Variants in SOS2 observed in about 807,000 individuals in gnomAD.
SOS2 encodes the protein SOS Ras/Rho guanine nucleotide exchange factor 2.
Under a neutral mutation model 148.2 loss-of-function variants are expected in SOS2, and 65 were observed. That is an observed-to-expected ratio of 0.44 (90% CI 0.36 to 0.54). The LOEUF is 0.54. Ranked by LOEUF, SOS2 falls within the 20% of genes least tolerant of loss-of-function variation. The pLI is 0.00. For missense variants in SOS2, 1,341 were observed against 1,590.2 expected, an observed-to-expected ratio of 0.84 and a Z score of 2.67; for synonymous variants, 539 against 537.1, an observed-to-expected ratio of 1.00 and a Z score of -0.05.
intron 8 of SOS2, among the ~76,000 whole-genome samples, chr14:50,171,493 G>A (rs1885360969): frequency 6.6e-6 from 1 of 151,886 alleles, no homozygotes; most frequent in Non-Finnish European, 1.5e-5. Flanking sequence ...AGTCCATCCT[G>A]GCCAACATGG....
At chr14:50,165,404 C>T (rs189455975) in intron 8 of SOS2, among the ~76,000 whole-genome samples, 4 of 152,138 alleles carry the variant, frequency 2.6e-5, no homozygotes, top group Admixed American at 2.0e-4. Context: ...AATAAGGACA[C>T]ACACACCCGC....
intron 8 of SOS2, among the ~76,000 whole-genome samples, chr14:50,162,426 C>T (rs1161913213): frequency 6.6e-6 from 1 of 152,152 alleles, no homozygotes; most frequent in Non-Finnish European, 1.5e-5. Flanking sequence ...AGCCACTGTG[C>T]CAGGCCACAT....
chr14:50,139,192 T>A (rs1170721093), intron 17 of SOS2, among the ~76,000 whole-genome samples: 1 of 152,230 alleles, frequency 6.6e-6, no homozygotes, highest in Non-Finnish European at 1.5e-5. Flanking sequence ...CAATTTTGGT[T>A]AATAAGTCTA....
chr14:50,203,628 AT>A (rs1172712876), intron 2 of SOS2, among the ~76,000 whole-genome samples: 6 of 151,820 alleles, frequency 4.0e-5, no homozygotes, highest in Non-Finnish European at 8.8e-5. Context: ...ATACATATAC[AT>A]TTTTTTAAAT....
chr14:50,127,923 T>C (rs1003270049), intron 21 of SOS2, among the ~76,000 whole-genome samples: 3 of 152,152 alleles, frequency 2.0e-5, no homozygotes, highest in Admixed American at 6.6e-5. Flanking sequence ...AAATTCTGAG[T>C]CAAATTATTT....
At position 50,153,662 on chromosome 14, in the gene SOS2, G is replaced by A. The variant is rs952275475; in HGVS notation, c.2058-489C>T. Among the ~76,000 whole-genome samples, 3 of 152,218 alleles carry A rather than the reference G, an allele frequency of 2.0e-5. No homozygotes were observed. The East Asian group carries it at 5.8e-4, about 29-fold the overall frequency. On this transcript the variant is annotated intron_variant, in intron 12 of 22. Transcript: ENST00000216373. ...AATTTTGCTCTTGTTGCCCAGGCTG[G>A]AGTGCAATGGTGCGATCTCAGCTCA... is the stretch of plus-strand genomic sequence containing the variant.
In SOS2 at chr14:50,201,072, TCTGAACTCGCTC is replaced by T; in HGVS notation, c.214_225del (p.Glu72_Gln75del). On this transcript the variant is annotated inframe_deletion and splice_region_variant, in exon 3 of 23. Coordinates refer to ENST00000216373, the MANE Select transcript of SOS2 (RefSeq NM_006939.4). ...TTATCAATTGGGTGAGGAAAGGTCTTCTGAACTCGCTCCTGCTCAATCACAGCAGAACCATTG... is the reference window on the plus strand; with the variant it reads ...TTATCAATTGGGTGAGGAAAGGTCTTCTGCTCAATCACAGCAGAACCATTG... 6.2e-7 allele frequency: 1 copy of T among 1,613,882 alleles called. No individual in the cohort carries two copies. The highest frequency in any genetic ancestry group is 8.5e-7 in the Non-Finnish European group (1 of 1,179,872).
At position 50,210,100 on chromosome 14, in the gene SOS2, A is replaced by T. The variant is rs970934010; in HGVS notation, c.88-5691T>A. On this transcript the variant is annotated intron_variant, in intron 1 of 22. Coordinates refer to ENST00000216373, the MANE Select transcript of SOS2 (RefSeq NM_006939.4). The stretch of plus-strand genomic sequence containing the variant: ...TTAAAATTACTAACAACAAAGTCAT[A>T]TGTCTGTAAGGAAGTACAAGGATTT... Among the ~76,000 whole-genome samples, 4 of 151,942 alleles carry T rather than the reference A, an allele frequency of 2.6e-5. No individual in the cohort carries two copies. The East Asian group carries it at 7.7e-4, about 29-fold the overall frequency.
chr14:50,186,014 A>G lies in SOS2; in HGVS notation c.714+2483T>C, dbSNP rs115006910. On this transcript the variant is annotated intron_variant, in intron 5 of 22. Coordinates refer to ENST00000216373, the MANE Select transcript of SOS2 (RefSeq NM_006939.4). ...GGTTAAATTAGATGATTTCTGTAAA[A>G]TGCTCCTGGCACATATTAGGCCTTC... 5.8e-3 allele frequency among the ~76,000 whole-genome samples: 879 copies of G among 152,272 alleles called. 11 individuals carry two copies. The highest frequency in any genetic ancestry group is 0.019 in the African/African-American group (788 of 41,548).
intron 8 of SOS2, among the ~76,000 whole-genome samples, chr14:50,171,182 T>C (rs1220310431): frequency 6.6e-6 from 1 of 151,674 alleles, no homozygotes; most frequent in Non-Finnish European, 1.5e-5. Flanking sequence ...ATCAGAACCC[T>C]GTGCACTGTT....
chr14:50,221,753 G>A lies in SOS2; in HGVS notation c.87+9444C>T, dbSNP rs553648300. ...CTCAGGAGGCTGAAATGGGAGGATC[G>A]CTTGAGCCTGGGAGGTTGAAGCTGC... On this transcript the variant is annotated intron_variant, in intron 1 of 22. Coordinates refer to ENST00000216373, the MANE Select transcript of SOS2 (RefSeq NM_006939.4). Among the ~76,000 whole-genome samples, 7 of 152,184 alleles carry A rather than the reference G, an allele frequency of 4.6e-5. No homozygotes were observed. In the East Asian group the frequency reaches 9.7e-4, roughly 21 times the overall value.
intron 4 of SOS2, among the ~76,000 whole-genome samples, chr14:50,196,936 C>A (rs1029550690): frequency 6.6e-6 from 1 of 152,088 alleles, no homozygotes; most frequent in African/African-American, 2.4e-5. Flanking sequence ...GGCGTGATCT[C>A]GATTCCATGT....
intron 1 of SOS2, among the ~76,000 whole-genome samples, chr14:50,207,787 T>G (rs1389744261): frequency 6.6e-6 from 1 of 150,852 alleles, no homozygotes; most frequent in Non-Finnish European, 1.5e-5. Context: ...AGGCTTGTAA[T>G]CTTAGCTACT....
chr14:50,158,061 T>C (rs958247585), intron 11 of SOS2, among the ~76,000 whole-genome samples: 3 of 152,114 alleles, frequency 2.0e-5, no homozygotes, highest in Non-Finnish European at 2.9e-5. Context: ...TGGGGTGGGG[T>C]GTTTAAATTT....
intron 21 of SOS2, among the ~76,000 whole-genome samples, chr14:50,129,107 C>T (rs1220291284): frequency 6.6e-6 from 1 of 151,686 alleles, no homozygotes; most frequent in South Asian, 2.1e-4. Context: ...AAACAAATGA[C>T]CACAGAAAGA....
chr14:50,138,049 C>A (rs1213030234), intron 18 of SOS2, among the ~76,000 whole-genome samples: 2 of 151,872 alleles, frequency 1.3e-5, no homozygotes, highest in African/African-American at 4.8e-5. Flanking sequence ...CCATGTTGGT[C>A]AGGCTGGTCT....
At chr14:50,119,129 G>C (rs1449317529) in intron 22 of SOS2, among the ~76,000 whole-genome samples, 1 of 152,080 alleles carries the variant, frequency 6.6e-6, no homozygotes, top group Non-Finnish European at 1.5e-5. Flanking sequence ...TATAATAGTA[G>C]GTAAGTGACA....
At chr14:50,156,196 T>C (rs1029217905) in intron 12 of SOS2, 1 of 152,010 alleles carries the variant, frequency 6.6e-6, no homozygotes, top group African/African-American at 2.4e-5. Flanking sequence ...ATACTTTGGT[T>C]ACTTGGACAG....
At chr14:50,149,480 C>A (rs1478188454) in intron 14 of SOS2, among the ~76,000 whole-genome samples, 1 of 151,890 alleles carries the variant, frequency 6.6e-6, no homozygotes, top group Non-Finnish European at 1.5e-5. Context: ...AGTAGAACTG[C>A]AGGTATTAGT....
Sources: gnomAD v4.1 joint callset for allele counts (sites outside exome capture counted in the v4.1 genomes callset) on GRCh38, gnomAD v4.1.1 for gene constraint, MANE v1.5 for transcripts, NCBI Gene and HGNC (gene_info 2026-07-23, HGNC 2026-07-21) for gene names.